The following ADGRG4 variants were observed in gnomAD, a reference collection of about 807,000 sequenced individuals.
ADGRG4 encodes the protein G protein-coupled receptor 112.
ADGRG4 carries 122 observed loss-of-function variants against 126.2 expected under a neutral mutation model. The observed-to-expected ratio is 0.97, with a 90% CI of 0.83 to 1.12. ADGRG4 has a LOEUF of 1.12. Among genes scored for constraint, ADGRG4 ranks in the 50% most tolerant of loss-of-function variants. The pLI is 0.00. For missense variants in ADGRG4, 2,481 were observed against 2,251.8 expected (o/e 1.10, Z -2.06); for synonymous variants, 943 against 838.7 (o/e 1.12, Z -2.15).
At position 136,367,881 on chromosome X, in the gene ADGRG4, AC is replaced by A. The variant is rs1373798418; in HGVS notation, c.7397-3446del. On this transcript the variant is annotated intron_variant, in intron 13 of 25. Transcript: ENST00000394143. ...TTAATATCACAGAGTTAGAAAAGGT[AC>A]TTTTATTTCAAAGTTCTTTGGGTTC... Among the ~76,000 whole-genome samples the A allele has an allele frequency of 2.7e-5, 3 of 112,440 alleles. No homozygotes were observed. The Admixed American group carries it at 2.8e-4, about 11-fold the overall frequency.
chrX:136,414,212 G>A lies in ADGRG4; in HGVS notation c.9090G>A (p.Lys3030=), dbSNP rs779726897. The change falls in exon 25 of 26, where the codon AAG becomes AAA. Residue 3030 remains lysine, a synonymous_variant. Transcript: ENST00000394143. ...IKVGYKQEGL[K]KIFEHKLLTP... is the part of the protein sequence containing the mutation. ...TTGGATATAAACAGGAGGGACTAAA[G>A]AAAATCTTTGAGCACAAACTGTTGA... 3 of 1,206,589 alleles carry A rather than the reference G, an allele frequency of 2.5e-6. No homozygotes were observed. The highest frequency in any genetic ancestry group is 3.4e-6 in the Non-Finnish European group (3 of 891,426).
At chrX:136,337,690 A>G (rs374598785) in intron 5 of ADGRG4, among the ~76,000 whole-genome samples, 1 of 112,273 alleles carries the variant, frequency 8.9e-6, no homozygotes, top group Non-Finnish European at 1.9e-5. Flanking sequence ...TTGCTCTTCT[A>G]TAAGCAATGT....
chrX:136,364,677 T>C (rs1307390793), intron 13 of ADGRG4, among the ~76,000 whole-genome samples: 1 of 111,974 alleles, frequency 8.9e-6, no homozygotes, highest in Non-Finnish European at 1.9e-5. Context: ...GTATAAGATG[T>C]TTTAGAGTTG....
At chrX:136,398,947 T>TA (rs1408624605) in intron 20 of ADGRG4, among the ~76,000 whole-genome samples, 1 of 112,315 alleles carries the variant, frequency 8.9e-6, no homozygotes. Context: ...TACACAGCAG[T>TA]AAAAAATGAA....
chrX:136,408,127 TG>T (rs1000367404), intron 23 of ADGRG4, among the ~76,000 whole-genome samples: 1 of 111,690 alleles, frequency 9.0e-6, no homozygotes, highest in Admixed American at 9.5e-5. Flanking sequence ...GGGGCAGGGG[TG>T]TTTTCAAAAC....
Position 136,357,746 on chromosome X carries a change from G to A in ADGRG4, c.6970G>A (p.Val2324Ile), listed in dbSNP as rs764698831. Reference protein sequence around the residue: ...EGQEMATISYVPYSCVCQVII... With the variant: ...EGQEMATISYIPYSCVCQVII... ...ACAAGAAATGGCTACAATTTCCTAT[G>A]TACCATACAGGTAGGAAGTAGGAAC... Residue 2324 changes from valine (V) to isoleucine (I), a missense_variant, in exon 10 of 26, where the codon GTA (valine) becomes ATA (isoleucine). Physicochemically the swap from Val to Ile is conservative, Grantham distance 29. Transcript: ENST00000394143. 1.6e-5 allele frequency: 19 copies of A among 1,163,388 alleles called. No homozygotes were observed. In the South Asian group the frequency reaches 2.8e-4, roughly 17 times the overall value.
In ADGRG4 at chrX:136,371,438, T is replaced by G. The variant is rs763154051; in HGVS notation, c.7507T>G (p.Cys2503Gly). ...TTCTAAAATATCAGATATTTCACAATGTGATGAGATAAGTATGAACCTAAC... is the reference window on the plus strand; with the variant it reads ...TTCTAAAATATCAGATATTTCACAAGGTGATGAGATAAGTATGAACCTAAC... ...IVSKISDISQ[C>G]DEISMNLTHV... The change falls in exon 14 of 26, where the codon TGT becomes GGT. Residue 2503 changes from cysteine to glycine, a missense_variant. Cys to Gly is a radical substitution (Grantham distance 159). Coordinates refer to ENST00000394143, the MANE Select transcript of ADGRG4 (RefSeq NM_153834.4). 8.4e-7 allele frequency: 1 copy of G among 1,188,951 alleles called. No homozygotes were observed. The highest frequency in any genetic ancestry group is 1.7e-5 in the African/African-American group (1 of 57,359).
In ADGRG4 at chrX:136,345,724, T is replaced by C. The variant is rs761472565; in HGVS notation, c.2018T>C (p.Ile673Thr). ...ALLASMNTTTILTFVPNENFT... is the reference protein window; with the variant it reads ...ALLASMNTTTTLTFVPNENFT... ...CTGGCATCTATGAACACAACCACCA[T>C]ACTCACATTTGTGCCTAATGAAAAT... The change falls in exon 6 of 26, where the codon ATA becomes ACA. Residue 673 changes from isoleucine (I) to threonine (T), a missense_variant. Coordinates refer to ENST00000394143, the MANE Select transcript of ADGRG4 (RefSeq NM_153834.4). 5.0e-6 allele frequency: 6 copies of C among 1,211,323 alleles called. No individual in the cohort carries two copies. The highest frequency in any genetic ancestry group is 6.7e-6 in the Non-Finnish European group (6 of 895,247).
At chrX:136,375,262 A>G (rs1204574745) in intron 15 of ADGRG4, among the ~76,000 whole-genome samples, 4 of 111,735 alleles carry the variant, frequency 3.6e-5, no homozygotes, top group Non-Finnish European at 7.5e-5. Flanking sequence ...TATATACCAC[A>G]TTTTCTTTAT....
At chrX:136,363,634 T>C in intron 13 of ADGRG4, 39 bp downstream of exon 13, 1 of 894,114 alleles carries the variant, frequency 1.1e-6, no homozygotes, top group Admixed American at 2.2e-5. Context: ...ATTATGGAAC[T>C]TCAATTACTT....
rs764537168 is a variant in ADGRG4 at position 136,359,431 on chromosome X, G to A, written c.7120G>A (p.Glu2374Lys). ...TCAATTGACGTTATTAGTAAACTGT[G>A]AACACGTTGCAGTGAAAAAACTAGG... ...QDQLTLLVNCEHVAVKKLEPG... is the reference protein window; with the variant it reads ...QDQLTLLVNCKHVAVKKLEPG... The change falls in exon 11 of 26, where the codon GAA (glutamate) becomes AAA (lysine). Residue 2374 changes from glutamate to lysine, a missense_variant. Transcript: ENST00000394143. 1.7e-5 allele frequency: 21 copies of A among 1,201,172 alleles called. No homozygotes were observed. The highest frequency in any genetic ancestry group is 2.2e-5 in the Non-Finnish European group (20 of 891,518).
intron 13 of ADGRG4, among the ~76,000 whole-genome samples, chrX:136,364,750 A>G (rs1215755357): frequency 8.9e-6 from 1 of 112,269 alleles, no homozygotes; most frequent in Non-Finnish European, 1.9e-5. Flanking sequence ...TGTAGACCAC[A>G]TTAGCTTTTA....
intron 13 of ADGRG4, among the ~76,000 whole-genome samples, chrX:136,364,125 C>T (rs758973445): frequency 1.5e-4 from 17 of 110,726 alleles, no homozygotes; most frequent in East Asian, 2.8e-4. Context: ...TTTACTTTTT[C>T]GGCTAATTAT....
intron 3 of ADGRG4, among the ~76,000 whole-genome samples, chrX:136,305,624 A>G (rs1294726418): frequency 8.9e-6 from 1 of 112,400 alleles, no homozygotes; most frequent in Non-Finnish European, 1.9e-5. Flanking sequence ...CAGTGAGGGT[A>G]AATAGCTGGC....
In ADGRG4 at chrX:136,414,185, G is replaced by A. The variant is rs142504133; in HGVS notation, c.9063G>A (p.Lys3021=). ...ATGGGAGCAGCCGGTGTCAGATAAAGGTTGGATATAAACAGGAGGGACTAA... is the reference window on the plus strand; with the variant it reads ...ATGGGAGCAGCCGGTGTCAGATAAAAGTTGGATATAAACAGGAGGGACTAA... ...SSDGSSRCQI[K]VGYKQEGLKK... is the part of the protein sequence containing the mutation. The change falls in exon 25 of 26, where the codon AAG becomes AAA. Residue 3021 remains lysine, a synonymous_variant. Coordinates refer to ENST00000394143, the MANE Select transcript of ADGRG4 (RefSeq NM_153834.4). 3.1e-4 allele frequency: 377 copies of A among 1,200,427 alleles called. 2 individuals carry two copies. In the South Asian group the frequency reaches 3.9e-3, roughly 12 times the overall value.
At position 136,359,454 on chromosome X, in the gene ADGRG4, A is replaced by G; in HGVS notation, c.7143A>G (p.Leu2381=). 8.4e-7 allele frequency: 1 copy of G among 1,189,241 alleles called. No homozygotes were observed. The highest frequency in any genetic ancestry group is 1.9e-5 in the South Asian group (1 of 52,831). ...VNCEHVAVKK[L]EPGNCKADET... ...GTGAACACGTTGCAGTGAAAAAACT[A>G]GGTAATTTTTTTGGGGGGTGGATAT... Residue 2381 remains leucine, a splice_region_variant and synonymous_variant, in exon 11 of 26, where the codon CTA becomes CTG. Coordinates refer to ENST00000394143, the MANE Select transcript of ADGRG4 (RefSeq NM_153834.4).
chrX:136,382,615 G>T (rs1481289117), intron 15 of ADGRG4, among the ~76,000 whole-genome samples: 2 of 111,683 alleles, frequency 1.8e-5, no homozygotes, highest in Non-Finnish European at 3.8e-5. Context: ...TTGGGCTGTT[G>T]TAGTTTCCCA....
chrX:136,363,963 C>T (rs2075143261), intron 13 of ADGRG4, among the ~76,000 whole-genome samples: 2 of 109,674 alleles, frequency 1.8e-5, no homozygotes, highest in Non-Finnish European at 3.8e-5. Context: ...GCGCCCACCA[C>T]CATGCCCGGA....
chrX:136,325,868 G>C (rs2074869363), intron 5 of ADGRG4, among the ~76,000 whole-genome samples: 2 of 110,508 alleles, frequency 1.8e-5, no homozygotes, highest in Non-Finnish European at 3.8e-5. Context: ...ATGCCACCAT[G>C]TCTGGCTAAT....
Sources: gnomAD v4.1 joint callset for allele counts (sites outside exome capture counted in the v4.1 genomes callset) on GRCh38, gnomAD v4.1.1 for gene constraint, MANE v1.5 for transcripts, NCBI Gene and HGNC (gene_info 2026-07-23, HGNC 2026-07-21) for gene names.